ADAM22: variants seen among roughly 807,000 people sequenced by gnomAD.
ADAM22 encodes disintegrin and metalloproteinase domain-containing protein 22.
Under a neutral mutation model 144.6 loss-of-function variants are expected in ADAM22, and 65 were observed. The ratio of observed to expected loss-of-function variants is 0.45; its 90% CI spans 0.37 to 0.55. ADAM22 has a LOEUF of 0.55. ADAM22 is among the 20% of genes least tolerant of loss of function. The pLI is 0.00. For synonymous variants in ADAM22, 391 were observed against 412.6 expected (o/e 0.95, Z 0.63); for missense variants, 974 against 1,184.9 (o/e 0.82, Z 2.61).
At chr7:87,943,728 C>T (rs937979740) in intron 2 of ADAM22, among the ~76,000 whole-genome samples, 1 of 152,128 alleles carries the variant, frequency 6.6e-6, no homozygotes, top group Non-Finnish European at 1.5e-5. Flanking sequence ...GCGGTTCTAA[C>T]TGGAAAGAGA....
chr7:88,110,339 A>C (rs577813212), intron 5 of ADAM22, among the ~76,000 whole-genome samples: 1 of 152,218 alleles, frequency 6.6e-6, no homozygotes, highest in African/African-American at 2.4e-5. Context: ...GTAAAAAATG[A>C]AGTGTTTTTT....
At chr7:88,025,080 C>G (rs2129468014) in intron 3 of ADAM22, among the ~76,000 whole-genome samples, 1 of 152,216 alleles carries the variant, frequency 6.6e-6, no homozygotes, top group African/African-American at 2.4e-5. Context: ...AATGGGATGG[C>G]TGGGTCAAAT....
At chr7:88,059,585 A>G (rs138626279) in intron 3 of ADAM22, among the ~76,000 whole-genome samples, 143 of 152,304 alleles carry the variant, frequency 9.4e-4, no homozygotes, top group African/African-American at 3.3e-3. Context: ...ATGAAGCACT[A>G]CTCATAATAG....
intron 3 of ADAM22, among the ~76,000 whole-genome samples, chr7:88,007,035 T>A (rs978928471): frequency 1.1e-4 from 16 of 152,180 alleles, no homozygotes; most frequent in South Asian, 2.1e-4. Flanking sequence ...CCTTAAGTTG[T>A]TAAGCAACTT....
At chr7:87,944,296 A>G (rs10952902) in intron 2 of ADAM22, among the ~76,000 whole-genome samples, 19,734 of 151,648 alleles carry the variant, frequency 0.13, 1,354 homozygotes, top group African/African-American at 0.15. Context: ...ATTTGCTGGT[A>G]CACACAATTT....
intron 14 of ADAM22, among the ~76,000 whole-genome samples, chr7:88,138,887 T>C (rs1299848074): frequency 1.3e-5 from 2 of 152,206 alleles, no homozygotes; most frequent in Non-Finnish European, 2.9e-5. Context: ...TTTAAAAGCT[T>C]CCCTGTTGGG....
At chr7:88,128,755 A>C (rs1384952714) in intron 9 of ADAM22, 79 bp downstream of exon 9, 10 of 1,165,470 alleles carry the variant, frequency 8.6e-6, no homozygotes, top group Non-Finnish European at 1.2e-5. Flanking sequence ...TAGAAAAAAC[A>C]AGAAGCCCAT....
chr7:88,002,858 G>C (rs1354648298), intron 3 of ADAM22, among the ~76,000 whole-genome samples: 1 of 152,200 alleles, frequency 6.6e-6, no homozygotes, highest in Non-Finnish European at 1.5e-5. Context: ...TCATTTTTAA[G>C]AAGGCTGGCC....
intron 3 of ADAM22, among the ~76,000 whole-genome samples, chr7:88,063,504 T>C (rs961039840): frequency 2.6e-5 from 4 of 152,060 alleles, no homozygotes; most frequent in Non-Finnish European, 5.9e-5. Flanking sequence ...ATCTGACTGG[T>C]AGGAGTCCCA....
chr7:88,187,697 T>C (rs1324883965), intron 30 of ADAM22, among the ~76,000 whole-genome samples: 1 of 152,202 alleles, frequency 6.6e-6, no homozygotes, highest in Non-Finnish European at 1.5e-5. Context: ...TGCCATGACT[T>C]GGGTCAACAT....
At chr7:88,132,265 C>T (rs1832005949) in intron 11 of ADAM22, 1 of 151,966 alleles carries the variant, frequency 6.6e-6, no homozygotes, top group Non-Finnish European at 1.5e-5. Context: ...TATATAACCA[C>T]AGTAAATTAT....
intron 6 of ADAM22, 35 bp downstream of exon 6, chr7:88,114,682 A>T (rs1415388511): frequency 6.2e-7 from 1 of 1,602,438 alleles, no homozygotes; most frequent in African/African-American, 1.3e-5. Flanking sequence ...GGCAAATGGA[A>T]ATGTTTATGC....
intron 3 of ADAM22, among the ~76,000 whole-genome samples, chr7:88,009,555 A>T (rs1193352488): frequency 6.6e-6 from 1 of 152,186 alleles, no homozygotes; most frequent in Non-Finnish European, 1.5e-5. Context: ...TTAAAATCAT[A>T]GTTAAAATAG....
At chr7:87,943,502 A>G (rs1000592283) in intron 2 of ADAM22, among the ~76,000 whole-genome samples, 3 of 152,292 alleles carry the variant, frequency 2.0e-5, no homozygotes, top group African/African-American at 7.2e-5. Context: ...TATTTTACAT[A>G]TAATTAAAAT....
chr7:88,162,922 A>G (rs1490697568), intron 22 of ADAM22, 90 bp from the exon 23 acceptor site: 10 of 1,333,406 alleles, frequency 7.5e-6, no homozygotes, highest in Non-Finnish European at 1.1e-5. Flanking sequence ...GAATAGAGGA[A>G]GCAATATTGC....
intron 30 of ADAM22, among the ~76,000 whole-genome samples, chr7:88,191,735 A>G (rs1177630106): frequency 6.6e-6 from 1 of 152,258 alleles, no homozygotes; most frequent in Non-Finnish European, 1.5e-5. Context: ...GAGCATTAAC[A>G]TAGGAGAAAT....
intron 11 of ADAM22, chr7:88,132,624 C>T (rs1832085958): frequency 2.8e-6 from 1 of 358,758 alleles, no homozygotes; most frequent in Non-Finnish European, 5.2e-6. Context: ...TCATATCAAC[C>T]AATTATTTTT....
At chr7:88,060,030 A>G (rs1809352900) in intron 3 of ADAM22, among the ~76,000 whole-genome samples, 1 of 152,218 alleles carries the variant, frequency 6.6e-6, no homozygotes, top group Non-Finnish European at 1.5e-5. Context: ...CTGTGTTTAC[A>G]CTATATTATA....
chr7:88,084,443 A>C (rs1039266940), intron 4 of ADAM22, among the ~76,000 whole-genome samples: 5 of 151,954 alleles, frequency 3.3e-5, no homozygotes, highest in African/African-American at 1.2e-4. Context: ...CTCACCTGTC[A>C]CCTCCATTTG....
Sources: allele counts gnomAD v4.1 joint callset (sites outside exome capture counted in the v4.1 genomes callset), GRCh38; gene constraint gnomAD v4.1.1; transcripts MANE v1.5; gene names NCBI Gene and HGNC (gene_info 2026-07-23, HGNC 2026-07-21).